Variants in MARCHF1 observed in about 807,000 individuals in gnomAD.
The protein encoded by MARCHF1 is E3 ubiquitin-protein ligase MARCHF1.
Under a neutral mutation model 54.2 loss-of-function variants are expected in MARCHF1, and 40 were observed. The ratio of observed to expected loss-of-function variants is 0.74; its 90% confidence interval spans 0.57 to 0.96. The LOEUF is 0.96. Ranked by LOEUF, MARCHF1 falls within the 40% of genes least tolerant of loss-of-function variation. The probability of loss-of-function intolerance (pLI) is 0.00; values close to 1 mark genes in which losing one functional copy is unlikely to be tolerated. For missense variants in MARCHF1, 586 were observed against 656.5 expected (o/e 0.89, Z 1.17); for synonymous variants, 236 against 236.3 (o/e 1.00, Z 0.01).
At chr4:163,651,081 C>T (rs911268553) in intron 5 of MARCHF1, among the ~76,000 whole-genome samples, 1 of 151,748 alleles carries the variant, frequency 6.6e-6, no homozygotes, top group African/African-American at 2.4e-5. Context: ...AGTTTAGTTC[C>T]AAAATCAATG....
chr4:163,575,327 T>C (rs1740000738), intron 8 of MARCHF1, among the ~76,000 whole-genome samples: 1 of 152,122 alleles, frequency 6.6e-6, no homozygotes, highest in African/African-American at 2.4e-5. Context: ...TGGTTTTTGT[T>C]TTTAACTTTG....
intron 5 of MARCHF1, among the ~76,000 whole-genome samples, chr4:163,670,639 C>T (rs1256237631): frequency 1.3e-5 from 2 of 151,612 alleles, no homozygotes; most frequent in Non-Finnish European, 2.9e-5. Context: ...TTTCTATAGC[C>T]TTACATTCAT....
rs567100909 is a variant in MARCHF1 at position 163,664,564 on chromosome 4, C to G, written c.162+36249G>C. On this transcript the variant is annotated intron_variant, in intron 5 of 9. Transcript: ENST00000514618. Reference sequence around the variant, plus strand: ...AGCTGCCCTCAGACTTACTTAGGAACAAGCCAGATTCTGTAAGGAGGGGAT... The same window carrying G: ...AGCTGCCCTCAGACTTACTTAGGAAGAAGCCAGATTCTGTAAGGAGGGGAT... Among the ~76,000 whole-genome samples the G allele has an allele frequency of 6.0e-4, 91 of 152,152 alleles. 1 individual carries two copies. Among genetic ancestry groups the G allele is most frequent in the African/African-American group, 2.0e-3 (83 of 41,538 alleles).
intron 1 of MARCHF1, among the ~76,000 whole-genome samples, chr4:164,155,518 A>G (rs1437923882): frequency 6.6e-6 from 1 of 152,186 alleles, no homozygotes; most frequent in Non-Finnish European, 1.5e-5. Flanking sequence ...TTGGTTCTCT[A>G]CACACTTAAC....
At chr4:163,834,268 C>T (rs2047162) in intron 4 of MARCHF1, among the ~76,000 whole-genome samples, 147,829 of 151,302 alleles carry the variant, frequency 0.98, 72,288 homozygotes, top group Middle Eastern at 1. Context: ...GGGTGCCTGA[C>T]AAAAACCTGC....
rs980689847 is a variant in MARCHF1, at chr4:164,197,719, G to A, written c.-322-86057C>T. 6.8e-6 allele frequency: 11 copies of A among 1,611,570 alleles called. 1 individual carries two copies. The South Asian group carries it at 7.7e-5, about 11-fold the overall frequency. ...CCGTCTGCCCATCTCCATCTCTCGC[G>A]CTCTCTGTCTGCAGAGGCTCTCGTG... On this transcript the variant is annotated intron_variant, in intron 1 of 9. Coordinates refer to ENST00000514618, the MANE Select transcript of MARCHF1 (RefSeq NM_001394959.1).
At chr4:163,611,567 C>G (rs559388801) in intron 7 of MARCHF1, among the ~76,000 whole-genome samples, 1 of 152,192 alleles carries the variant, frequency 6.6e-6, no homozygotes, top group Admixed American at 6.6e-5. Flanking sequence ...TTTATGCACA[C>G]TAGCTTGGAT....
At chr4:163,660,000 C>T (rs115348133) in intron 5 of MARCHF1, among the ~76,000 whole-genome samples, 15,521 of 152,074 alleles carry the variant, frequency 0.1, 859 homozygotes, top group African/African-American at 0.14. Context: ...TGAGGCGTTT[C>T]CTCAAGGATT....
chr4:163,644,046 A>ATT (rs55834593), intron 5 of MARCHF1, among the ~76,000 whole-genome samples: 1 of 151,810 alleles, frequency 6.6e-6, no homozygotes, highest in African/African-American at 2.4e-5. Flanking sequence ...CCTCTTCAAA[A>ATT]TTTTTTTTAA....
rs541457532 is a variant in MARCHF1, at chr4:163,838,965, C to T, written c.111+15056G>A. ...GGACACCATTAACAAAGTGAAAAGA[C>T]AACCCATAAACTAAAAGAAAATATT... On this transcript the variant is annotated intron_variant, in intron 4 of 9. Transcript: ENST00000514618. Among the ~76,000 whole-genome samples, 3 of 152,082 alleles carry T rather than the reference C, an allele frequency of 2.0e-5. No individual in the cohort carries two copies. In the South Asian group the frequency reaches 6.2e-4, roughly 32 times the overall value.
In MARCHF1 at chr4:163,545,624, C is replaced by T. The variant is rs765164081; in HGVS notation, c.1311G>A (p.Ala437=). The T allele has an allele frequency of 5.8e-5, 93 of 1,613,548 alleles. No individual in the cohort carries two copies. Among genetic ancestry groups the T allele is most frequent in the South Asian group, 1.5e-4 (14 of 90,996 alleles). ...TGTCATTGCCTTGCTTGATTTCCTCCGCTGTCCGGTCTATCAATACATACA... is the reference window on the plus strand; with the variant it reads ...TGTCATTGCCTTGCTTGATTTCCTCTGCTGTCCGGTCTATCAATACATACA... ...WSLYVLIDRT[A]EEIKQGNDNG... Residue 437 remains alanine, a synonymous_variant, in exon 9 of 10, where the codon GCG becomes GCA. Coordinates refer to ENST00000514618, the MANE Select transcript of MARCHF1 (RefSeq NM_001394959.1).
intron 5 of MARCHF1, among the ~76,000 whole-genome samples, chr4:163,621,169 A>G (rs560819788): frequency 9.4e-4 from 143 of 152,324 alleles, no homozygotes; most frequent in Non-Finnish European, 1.7e-3. Flanking sequence ...TTGAAATACT[A>G]TAATTCTTTT....
chr4:164,356,591 G>T, intron 1 of MARCHF1, among the ~76,000 whole-genome samples: 1 of 136,996 alleles, frequency 7.3e-6, no homozygotes, highest in Non-Finnish European at 1.6e-5. Context: ...ACATGAAGGG[G>T]ATCACACTCT....
intron 5 of MARCHF1, among the ~76,000 whole-genome samples, chr4:163,645,070 C>T (rs1251689917): frequency 1.3e-5 from 2 of 152,176 alleles, no homozygotes; most frequent in African/African-American, 4.8e-5. Flanking sequence ...AGCAGAAGCC[C>T]TCCCAGGAAC....
chr4:163,934,146 A>T (rs930864806), intron 3 of MARCHF1, among the ~76,000 whole-genome samples: 1 of 152,200 alleles, frequency 6.6e-6, no homozygotes, highest in Non-Finnish European at 1.5e-5. Context: ...ATTGTTATTT[A>T]GAGATTTGGA....
chr4:164,291,833 T>C (rs995523372), intron 1 of MARCHF1, among the ~76,000 whole-genome samples: 10 of 152,058 alleles, frequency 6.6e-5, no homozygotes, highest in Admixed American at 1.3e-4. Context: ...GTTGGAAGCA[T>C]CATTATGTGG....
chr4:163,689,928 C>A (rs1216734409), intron 5 of MARCHF1, among the ~76,000 whole-genome samples: 1 of 152,146 alleles, frequency 6.6e-6, no homozygotes, highest in Non-Finnish European at 1.5e-5. Flanking sequence ...GTCAAGATTG[C>A]CCCTGCCAGT....
chr4:163,696,283 T>C (rs1181827735), intron 5 of MARCHF1, among the ~76,000 whole-genome samples: 1 of 152,184 alleles, frequency 6.6e-6, no homozygotes, highest in Non-Finnish European at 1.5e-5. Flanking sequence ...TCACGAGCAA[T>C]TGCACATTTA....
At chr4:164,342,470 C>T (rs777239031) in intron 1 of MARCHF1, among the ~76,000 whole-genome samples, 2 of 151,772 alleles carry the variant, frequency 1.3e-5, no homozygotes, top group African/African-American at 4.8e-5. Context: ...CACATGTATA[C>T]ATATGTAACA....
Sources: gnomAD v4.1 joint callset for allele counts (sites outside exome capture counted in the v4.1 genomes callset) on GRCh38, gnomAD v4.1.1 for gene constraint, MANE v1.5 for transcripts, NCBI Gene and HGNC (gene_info 2026-07-23, HGNC 2026-07-21) for gene names.